Variants in COL4A5 observed in about 807,000 individuals in gnomAD.
COL4A5 encodes collagen alpha-5(IV) chain.
A neutral mutation model predicts 130.2 loss-of-function variants in COL4A5; 26 were observed. The observed-to-expected ratio is 0.20, with a 90% CI of 0.15 to 0.28. The LOEUF (loss-of-function observed/expected upper bound fraction) is 0.28. Ranked by LOEUF, COL4A5 falls within the 10% of genes least tolerant of loss-of-function variation. COL4A5 has a pLI of 1.00. For synonymous variants in COL4A5, 496 were observed against 439.6 expected (o/e 1.13, Z -1.60); for missense variants, 1,131 against 1,344.3 (o/e 0.84, Z 2.48).
chrX:108,443,452 A>G (rs893768300), intron 1 of COL4A5, among the ~76,000 whole-genome samples: 1 of 112,063 alleles, frequency 8.9e-6, no homozygotes, highest in African/African-American at 3.2e-5. Context: ...TCTATTGTGA[A>G]ACAACCGGGT....
intron 3 of COL4A5, 72 bp downstream of exon 3, chrX:108,559,225 TCAA>T: frequency 2.5e-6 from 2 of 805,479 alleles, no homozygotes; most frequent in Non-Finnish European, 3.8e-6. Flanking sequence ...AGGTGTCACA[TCAA>T]CTAAAAAGTT....
Position 108,586,763 on chromosome X carries a change from T to C in COL4A5, c.1165+16T>C, listed in dbSNP as rs1417903251. The C allele has an allele frequency of 3.3e-6, 4 of 1,203,344 alleles. No homozygotes were observed. In the African/African-American group the frequency reaches 5.2e-5, roughly 16 times the overall value. ...GGACCTCCAGGTAAATGAGATTGCA[T>C]TTATGGCCTTGTTCTTATAGCATCC... On this transcript the variant is annotated intron_variant, in intron 19 of 52. Transcript: ENST00000328300.
At chrX:108,473,073 T>A (rs1329642948) in intron 1 of COL4A5, among the ~76,000 whole-genome samples, 1 of 112,248 alleles carries the variant, frequency 8.9e-6, no homozygotes, top group African/African-American at 3.2e-5. Context: ...TTTTGCTAAA[T>A]GTCTATTCAA....
At chrX:108,625,508 C>T in intron 34 of COL4A5, among the ~76,000 whole-genome samples, 197 bp from the exon 35 acceptor site, 1 of 111,191 alleles carries the variant, frequency 9.0e-6, no homozygotes, top group Non-Finnish European at 1.9e-5. Flanking sequence ...ATTAGGAGAC[C>T]TCTATTACTA....
At chrX:108,614,207 T>C (rs2066885237) in intron 29 of COL4A5, among the ~76,000 whole-genome samples, 3 of 112,084 alleles carry the variant, frequency 2.7e-5, no homozygotes, top group African/African-American at 9.7e-5. Flanking sequence ...TATGACATTC[T>C]GGGAAAGAAA....
At chrX:108,540,024 A>G (rs2065512934) in intron 2 of COL4A5, among the ~76,000 whole-genome samples, 1 of 111,992 alleles carries the variant, frequency 8.9e-6, no homozygotes, top group African/African-American at 3.2e-5. Flanking sequence ...TTTAGGATTT[A>G]TGGGACACAT....
At chrX:108,558,170 C>T (rs754783854) in intron 2 of COL4A5, among the ~76,000 whole-genome samples, 2 of 100,156 alleles carry the variant, frequency 2.0e-5, no homozygotes, top group East Asian at 3.3e-4. Context: ...TGAGAACATG[C>T]GGTGTTTGGT....
Position 108,680,904 on chromosome X carries a change from A to G in COL4A5, c.4035A>G (p.Gly1345=). 8.3e-7 allele frequency: 1 copy of G among 1,209,263 alleles called. No homozygotes were observed. The highest frequency in any genetic ancestry group is 1.1e-6 in the Non-Finnish European group (1 of 894,636). ...PGFPGMKGPS[G]VPGSAGPEGE... ...GTGCAGGCATGAAAGGACCCAGTGG[A>G]GTACCTGGATCAGCTGGCCCTGAGG... is the stretch of plus-strand genomic sequence containing the variant. Residue 1345 remains glycine, a synonymous_variant, in exon 46 of 53, where the codon GGA becomes GGG. Transcript: ENST00000328300.
intron 16 of COL4A5, 51 bp from the exon 17 acceptor site, chrX:108,582,833 T>A: frequency 9.8e-7 from 1 of 1,021,365 alleles, no homozygotes; most frequent in South Asian, 1.9e-5. Flanking sequence ...TTTGGAGATT[T>A]CCTAACACCA....
At chrX:108,526,595 C>CCCTTCTTTCTTTCTTT (rs1327241159) in intron 1 of COL4A5, among the ~76,000 whole-genome samples, 5 of 33,286 alleles carry the variant, frequency 1.5e-4, no homozygotes, top group East Asian at 1.2e-3. Context: ...CTCCCTCCCT[C>CCCTTCTTTCTTTCTTT]CTTTCTTTCT....
chrX:108,465,305 T>A (rs1352085576), intron 1 of COL4A5, among the ~76,000 whole-genome samples: 1 of 112,296 alleles, frequency 8.9e-6, no homozygotes, highest in South Asian at 3.7e-4. Flanking sequence ...TCCTGGTGGG[T>A]ATGAAGTGGT....
intron 2 of COL4A5, among the ~76,000 whole-genome samples, chrX:108,546,176 G>A (rs936408216): frequency 3.6e-5 from 4 of 111,723 alleles, no homozygotes; most frequent in Non-Finnish European, 7.5e-5. Context: ...TATTTTGCTC[G>A]TTAGTTGATG....
chrX:108,454,036 C>G (rs1202352602), intron 1 of COL4A5, among the ~76,000 whole-genome samples: 1 of 111,634 alleles, frequency 9.0e-6, no homozygotes, highest in African/African-American at 3.3e-5. Flanking sequence ...TTCATGAAAC[C>G]AGAGTTCTTA....
chrX:108,454,855 C>T (rs2147478098), intron 1 of COL4A5, among the ~76,000 whole-genome samples: 1 of 111,312 alleles, frequency 9.0e-6, no homozygotes, highest in South Asian at 3.8e-4. Context: ...TCAAGGGATC[C>T]TCCAACCTCA....
chrX:108,649,361 C>G (rs914977090), intron 36 of COL4A5, among the ~76,000 whole-genome samples: 2 of 111,223 alleles, frequency 1.8e-5, no homozygotes, highest in African/African-American at 6.5e-5. Context: ...GACACAATCC[C>G]CATCAACATA....
At chrX:108,607,099 G>T (rs1011363070) in intron 29 of COL4A5, among the ~76,000 whole-genome samples, 3 of 110,486 alleles carry the variant, frequency 2.7e-5, no homozygotes, top group Non-Finnish European at 5.7e-5. Context: ...CGGCACGGTG[G>T]CTCACTCCTG....
chrX:108,532,428 G>A (rs760377034), intron 1 of COL4A5, among the ~76,000 whole-genome samples: 12 of 111,188 alleles, frequency 1.1e-4, no homozygotes, highest in African/African-American at 2.3e-4. Context: ...GGAATATACC[G>A]TAGCATAATA....
intron 1 of COL4A5, among the ~76,000 whole-genome samples, chrX:108,460,656 A>ATTTTTTT (rs751991149): frequency 1.0e-4 from 4 of 39,451 alleles, no homozygotes; most frequent in African/African-American, 4.3e-4. Context: ...CGCCTGGCAA[A>ATTTTTTT]TTTTTTTTTT....
chrX:108,693,419 T>C (rs963496299), intron 50 of COL4A5, among the ~76,000 whole-genome samples: 2 of 111,442 alleles, frequency 1.8e-5, no homozygotes, highest in Non-Finnish European at 3.8e-5. Flanking sequence ...GTCTAGGATG[T>C]AGTATGTAAA....
Sources: gnomAD v4.1 joint callset for allele counts (sites outside exome capture counted in the v4.1 genomes callset) on GRCh38, gnomAD v4.1.1 for gene constraint, MANE v1.5 for transcripts, NCBI Gene and HGNC (gene_info 2026-07-23, HGNC 2026-07-21) for gene names.